HMCN1: variants seen among roughly 807,000 people sequenced by gnomAD.
The protein encoded by HMCN1 is hemicentin 1, also known as hemicentin-1.
A neutral mutation model predicts 625.9 loss-of-function variants in HMCN1; 321 were observed. That is an observed-to-expected ratio of 0.51 (90% CI 0.47 to 0.56). The LOEUF is 0.56. HMCN1 is among the 20% of genes least tolerant of loss of function. The pLI, the probability that HMCN1 is intolerant of heterozygous loss-of-function variation, is 0.00. For synonymous variants in HMCN1, 2,425 were observed against 2,417.6 expected (o/e 1.00, Z -0.09); for missense variants, 6,588 against 6,887.3 (o/e 0.96, Z 1.54).
chr1:185,928,382 A>G (rs1667380727), intron 9 of HMCN1, among the ~76,000 whole-genome samples, 164 bp from the exon 10 acceptor site: 1 of 152,190 alleles, frequency 6.6e-6, no homozygotes, highest in Non-Finnish European at 1.5e-5. Flanking sequence ...CTAGTAAAAT[A>G]TAAATGGTGT....
rs572091165 is a variant in HMCN1 at position 185,741,765 on chromosome 1, G to C, written c.268+6718G>C. ...TCAGTTTAGCAATGTGGAAGTCATT[G>C]GTGACTCAACAAGAATAGTTTCACG... is the stretch of plus-strand genomic sequence containing the variant. On this transcript the variant is annotated intron_variant, in intron 1 of 106. Transcript: ENST00000271588. 4.6e-5 allele frequency among the ~76,000 whole-genome samples: 7 copies of C among 152,328 alleles called. No homozygotes were observed. The South Asian group carries it at 1.5e-3, about 32-fold the overall frequency.
intron 2 of HMCN1, among the ~76,000 whole-genome samples, 170 bp downstream of exon 2, chr1:185,846,266 A>G (rs572890563): frequency 2.0e-5 from 3 of 152,350 alleles, no homozygotes; most frequent in African/African-American, 4.8e-5. Context: ...TGAACAATAC[A>G]TACAGAAATA....
intron 52 of HMCN1, among the ~76,000 whole-genome samples, 160 bp from the exon 53 acceptor site, chr1:186,074,581 T>C (rs1658684194): frequency 1.3e-5 from 2 of 152,164 alleles, no homozygotes; most frequent in African/African-American, 4.8e-5. Context: ...ATGAGTTTAA[T>C]CAAAGTAAAT....
chr1:185,957,961 CA>C (rs1170700320), intron 11 of HMCN1, among the ~76,000 whole-genome samples: 2 of 151,856 alleles, frequency 1.3e-5, no homozygotes, highest in Admixed American at 1.3e-4. Context: ...ATTAGTAAAA[CA>C]GAGGAAAAAA....
intron 1 of HMCN1, among the ~76,000 whole-genome samples, chr1:185,749,406 A>G (rs966445426): frequency 6.6e-6 from 1 of 152,190 alleles, no homozygotes; most frequent in Non-Finnish European, 1.5e-5. Context: ...CAGGCAGGCA[A>G]CATCAATACA....
At chr1:185,900,519 C>T (rs368290994) in intron 4 of HMCN1, among the ~76,000 whole-genome samples, 67 of 151,932 alleles carry the variant, frequency 4.4e-4, no homozygotes, top group African/African-American at 1.6e-3. Flanking sequence ...AAAGTATTTC[C>T]CAATAATTTT....
rs371565887 is a variant in HMCN1, at chr1:186,187,943, T to C, written c.16475T>C (p.Met5492Thr). 12 of 1,612,984 alleles carry C rather than the reference T, an allele frequency of 7.4e-6. No individual in the cohort carries two copies. Among genetic ancestry groups the C allele is most frequent in the African/African-American group, 6.7e-5 (5 of 74,878 alleles). Residue 5492 changes from methionine (M) to threonine (T), a missense_variant, in exon 106 of 107, where the codon ATG (methionine) becomes ACG (threonine). This residue lies in a region of HMCN1 where 1,954 missense variants were observed against 2,013.1 expected (regional missense o/e 0.97). Coordinates refer to ENST00000271588, the MANE Select transcript of HMCN1 (RefSeq NM_031935.3). ...HCGPNRMCFN[M>T]RGSYQCIDTP... ...GGACCCAATCGCATGTGCTTCAACA[T>C]GAGAGGAAGCTACCAGTGCATCGAT...
chr1:185,826,712 A>G (rs1326449501), intron 1 of HMCN1, among the ~76,000 whole-genome samples: 2 of 152,210 alleles, frequency 1.3e-5, no homozygotes, highest in East Asian at 1.9e-4. Flanking sequence ...TAAGAAAACC[A>G]TCTCAACTAC....
chr1:185,936,746 T>C (rs1458331711), intron 11 of HMCN1, among the ~76,000 whole-genome samples: 1 of 152,188 alleles, frequency 6.6e-6, no homozygotes, highest in Admixed American at 6.6e-5. Context: ...GATATGAATG[T>C]CAGTTAGAAA....
intron 4 of HMCN1, among the ~76,000 whole-genome samples, chr1:185,876,421 A>G (rs755237632): frequency 6.6e-5 from 10 of 152,016 alleles, no homozygotes; most frequent in Non-Finnish European, 1.3e-4. Context: ...CTTTGGGTAG[A>G]TATCCAGTAG....
At chr1:185,920,596 G>T (rs1203484625) in intron 6 of HMCN1, among the ~76,000 whole-genome samples, 1 of 151,848 alleles carries the variant, frequency 6.6e-6, no homozygotes, top group Non-Finnish European at 1.5e-5. Context: ...TTTATAAGGG[G>T]CTCCCTCTTC....
chr1:186,160,030 G>A (rs535714106), intron 97 of HMCN1, among the ~76,000 whole-genome samples: 21 of 151,056 alleles, frequency 1.4e-4, no homozygotes, highest in African/African-American at 4.4e-4. Context: ...GGTAGAATTC[G>A]GCTGTGAATC....
intron 1 of HMCN1, among the ~76,000 whole-genome samples, chr1:185,760,057 G>A (rs1197640207): frequency 6.6e-6 from 1 of 152,178 alleles, no homozygotes; most frequent in African/African-American, 2.4e-5. Context: ...GCAAGGTCAT[G>A]TTTTGGGGTA....
intron 1 of HMCN1, among the ~76,000 whole-genome samples, chr1:185,783,846 G>A (rs930085944): frequency 6.6e-6 from 1 of 152,166 alleles, no homozygotes; most frequent in East Asian, 1.9e-4. Flanking sequence ...ACTCCATGCT[G>A]GGAGAACCAC....
At chr1:185,779,720 A>G (rs1402602097) in intron 1 of HMCN1, among the ~76,000 whole-genome samples, 2 of 152,224 alleles carry the variant, frequency 1.3e-5, no homozygotes, top group Non-Finnish European at 2.9e-5. Context: ...CTGTTTTGAT[A>G]CCAGTACCAT....
At chr1:185,853,276 A>G (rs545372160) in intron 2 of HMCN1, among the ~76,000 whole-genome samples, 156 of 152,324 alleles carry the variant, frequency 1.0e-3, no homozygotes, top group Non-Finnish European at 2.0e-3. Flanking sequence ...AAAATTACCA[A>G]GTAGCAAATG....
At chr1:185,974,334 A>G (rs1053153492) in intron 15 of HMCN1, among the ~76,000 whole-genome samples, 1 of 152,220 alleles carries the variant, frequency 6.6e-6, no homozygotes, top group Non-Finnish European at 1.5e-5. Context: ...GAGTGTTTAT[A>G]TCTCAGTGAT....
intron 4 of HMCN1, among the ~76,000 whole-genome samples, chr1:185,883,594 C>T (rs887306293): frequency 2.6e-5 from 4 of 151,966 alleles, no homozygotes; most frequent in Admixed American, 6.6e-5. Flanking sequence ...TTTTACTTAG[C>T]GCATCTGATT....
rs1220361566 is a variant in HMCN1 at position 186,117,061 on chromosome 1, A to G, written c.11629A>G (p.Thr3877Ala). Reference protein sequence around the residue: ...SVDDTATYECTVTNGAGDDKR... With the variant: ...SVDDTATYECAVTNGAGDDKR... ...GGATGACACTGCAACCTATGAATGT[A>G]CTGTGACAAACGGTGCTGGAGATGA... Residue 3877 changes from threonine to alanine, a missense_variant, in exon 76 of 107, where the codon ACT becomes GCT. Transcript: ENST00000271588. The G allele has an allele frequency of 1.9e-6, 3 of 1,613,466 alleles. No homozygotes were observed. The African/African-American group carries it at 4.0e-5, about 22-fold the overall frequency.
Sources: gnomAD v4.1 joint callset for allele counts (sites outside exome capture counted in the v4.1 genomes callset) on GRCh38, gnomAD v4.1.1 for gene constraint, gnomAD v4.1.1 regional missense constraint, MANE v1.5 for transcripts, NCBI Gene and HGNC (gene_info 2026-07-23, HGNC 2026-07-21) for gene names.